Variants in TENM1 observed in about 807,000 individuals in gnomAD.
The protein encoded by TENM1 is teneurin-1.
A neutral mutation model predicts 174.8 loss-of-function variants in TENM1; 35 were observed. The ratio of observed to expected loss-of-function variants is 0.20; its 90% CI spans 0.15 to 0.27. TENM1 has a LOEUF of 0.27. Ranked by LOEUF, TENM1 falls within the 10% of genes least tolerant of loss-of-function variation. The pLI is 1.00. For synonymous variants in TENM1, 781 were observed against 798.7 expected, an observed-to-expected ratio of 0.98 and a Z score of 0.37; for missense variants, 1,633 against 2,130.1, an observed-to-expected ratio of 0.77 and a Z score of 4.59.
chrX:125,137,143 T>C, the TENM1 span, among the ~76,000 whole-genome samples: 4 of 111,169 alleles, frequency 3.6e-5, no homozygotes, highest in East Asian at 2.8e-4. Context: ...TGCCAGATCA[T>C]TGAGAAAATT....
chrX:125,160,568 A>AAAAAG, the TENM1 span, among the ~76,000 whole-genome samples: 1 of 104,851 alleles, frequency 9.5e-6, no homozygotes, highest in Non-Finnish European at 2.0e-5. Flanking sequence ...AAAAAAAAAA[A>AAAAAG]ACAGAGAGAG....
chrX:124,463,728 C>T (rs757045059), intron 22 of TENM1, among the ~76,000 whole-genome samples: 4 of 110,872 alleles, frequency 3.6e-5, no homozygotes, highest in African/African-American at 9.8e-5. Flanking sequence ...CCGTGCAACT[C>T]GCTAAGGAAG....
At chrX:125,112,813 C>A in the TENM1 span, among the ~76,000 whole-genome samples, 3 of 111,122 alleles carry the variant, frequency 2.7e-5, no homozygotes, top group African/African-American at 9.8e-5. Flanking sequence ...AATTAAAGAT[C>A]TAAATAAACG....
intron 3 of TENM1, among the ~76,000 whole-genome samples, chrX:124,883,840 G>A (rs1418967274): frequency 9.0e-6 from 1 of 111,260 alleles, no homozygotes; most frequent in Non-Finnish European, 1.9e-5. Context: ...CAACACTGGT[G>A]GACTGAGCAG....
the TENM1 span, among the ~76,000 whole-genome samples, chrX:125,122,850 C>T: frequency 1.4e-4 from 4 of 28,736 alleles, no homozygotes; most frequent in African/African-American, 2.9e-4. Context: ...AATTAAAAAA[C>T]AGTCATTTCT....
intron 3 of TENM1, among the ~76,000 whole-genome samples, chrX:124,817,279 A>C (rs959633300): frequency 1.8e-5 from 2 of 111,625 alleles, no homozygotes; most frequent in African/African-American, 6.5e-5. Context: ...TTCTTTATCC[A>C]GTCTATTATT....
chrX:124,400,591 T>G (rs1227906226), intron 27 of TENM1, among the ~76,000 whole-genome samples: 1 of 112,101 alleles, frequency 8.9e-6, no homozygotes, highest in African/African-American at 3.2e-5. Context: ...CCCTCCATTG[T>G]TTTTCTTTTA....
intron 4 of TENM1, among the ~76,000 whole-genome samples, chrX:124,705,962 A>G (rs1470168282): frequency 9.0e-6 from 1 of 111,544 alleles, no homozygotes; most frequent in Non-Finnish European, 1.9e-5. Flanking sequence ...ATGGAGTGCA[A>G]TGGCATGATC....
At chrX:124,626,260 C>G (rs548052789) in intron 11 of TENM1, among the ~76,000 whole-genome samples, 1 of 111,317 alleles carries the variant, frequency 9.0e-6, no homozygotes, top group South Asian at 3.8e-4. Flanking sequence ...TTTTTAGAGC[C>G]ACCAAAAGGT....
At chrX:124,544,653 T>C (rs749627528) in intron 15 of TENM1, among the ~76,000 whole-genome samples, 7 of 112,144 alleles carry the variant, frequency 6.2e-5, no homozygotes, top group African/African-American at 2.3e-4. Context: ...TGTCATTTGG[T>C]TTCTAAGTTT....
the TENM1 span, among the ~76,000 whole-genome samples, chrX:125,133,870 T>C: frequency 8.9e-6 from 1 of 112,126 alleles, no homozygotes; most frequent in Non-Finnish European, 1.9e-5. Flanking sequence ...TTACTGATCA[T>C]TGGAGTTTAC....
chrX:124,595,264 A>G (rs1449063863), intron 11 of TENM1, among the ~76,000 whole-genome samples: 1 of 112,126 alleles, frequency 8.9e-6, no homozygotes, highest in Non-Finnish European at 1.9e-5. Flanking sequence ...ACACACACAC[A>G]CAAAAGTAAC....
At chrX:124,444,006 C>T (rs1218911235) in intron 23 of TENM1, among the ~76,000 whole-genome samples, 1 of 112,247 alleles carries the variant, frequency 8.9e-6, no homozygotes, top group East Asian at 2.8e-4. Flanking sequence ...AAAAGCTGGT[C>T]ATAGGCCATT....
chrX:125,038,228 T>A, the TENM1 span, among the ~76,000 whole-genome samples: 4 of 110,687 alleles, frequency 3.6e-5, no homozygotes, highest in Non-Finnish European at 7.6e-5. Context: ...CCTTTCACAG[T>A]TTAGCCTTTT....
intron 3 of TENM1, among the ~76,000 whole-genome samples, chrX:124,876,831 G>T (rs1332880452): frequency 9.0e-6 from 1 of 111,375 alleles, no homozygotes; most frequent in Non-Finnish European, 1.9e-5. Flanking sequence ...GTTTTCAAGG[G>T]TACCTTAAAA....
chrX:125,077,435 T>C, the TENM1 span, among the ~76,000 whole-genome samples: 1 of 111,517 alleles, frequency 9.0e-6, no homozygotes, highest in Non-Finnish European at 1.9e-5. Context: ...TGGATGAAGA[T>C]TTAGAGTACA....
the TENM1 span, among the ~76,000 whole-genome samples, chrX:125,151,643 T>C: frequency 8.9e-6 from 1 of 112,243 alleles, no homozygotes; most frequent in Non-Finnish European, 1.9e-5. Context: ...GATTGTATCT[T>C]TTCAGTGAAA....
intron 3 of TENM1, among the ~76,000 whole-genome samples, chrX:124,861,432 C>T (rs1165052633): frequency 2.7e-5 from 3 of 111,553 alleles, no homozygotes; most frequent in African/African-American, 6.5e-5. Flanking sequence ...CACTTTTCAA[C>T]CTCTACAGAT....
the TENM1 span, among the ~76,000 whole-genome samples, chrX:125,029,055 T>G: frequency 9.0e-6 from 1 of 111,665 alleles, no homozygotes; most frequent in East Asian, 2.8e-4. Context: ...TACTGAAATT[T>G]TTCTTCAGTT....
Sources: gnomAD v4.1 joint callset for allele counts (sites outside exome capture counted in the v4.1 genomes callset) on GRCh38, gnomAD v4.1.1 for gene constraint, MANE v1.5 for transcripts, NCBI Gene and HGNC (gene_info 2026-07-23, HGNC 2026-07-21) for gene names.